Variants in SLC26A7 observed in about 807,000 individuals in gnomAD.
SLC26A7 encodes solute carrier family 26 member 7.
SLC26A7 carries 59 observed loss-of-function variants against 82.5 expected under a neutral mutation model. That is an observed-to-expected ratio of 0.72 (90% CI 0.58 to 0.89). The LOEUF (loss-of-function observed/expected upper bound fraction) is 0.89. Ranked by LOEUF, SLC26A7 falls within the 40% of genes least tolerant of loss-of-function variation. The pLI is 0.00. For synonymous variants in SLC26A7, 271 were observed against 274.3 expected (o/e 0.99, Z 0.12); for missense variants, 820 against 793.0 (o/e 1.03, Z -0.41).
chr8:91,291,535 C>T (rs1811868384), intron 3 of SLC26A7, among the ~76,000 whole-genome samples: 1 of 152,150 alleles, frequency 6.6e-6, no homozygotes, highest in Admixed American at 6.5e-5. Context: ...AAAACATTTT[C>T]TCTGTTAAAC....
intron 15 of SLC26A7, among the ~76,000 whole-genome samples, chr8:91,372,382 G>A (rs1563705964): frequency 6.6e-6 from 1 of 151,834 alleles, no homozygotes; most frequent in East Asian, 1.9e-4. Flanking sequence ...TATTTAAGTC[G>A]TTAATCCATC....
chr8:91,317,474 C>T lies in SLC26A7; in HGVS notation c.478-742C>T, dbSNP rs544865527. Among the ~76,000 whole-genome samples the T allele has an allele frequency of 3.3e-5, 5 of 152,240 alleles. No individual in the cohort carries two copies. The South Asian group carries it at 1.0e-3, about 32-fold the overall frequency. ...CTTAATAATTATGCCTAGTGTTCCA[C>T]TATTGGAATGCTAAGCTTGTGGGAA... On this transcript the variant is annotated intron_variant, in intron 4 of 18. Transcript: ENST00000276609.
At chr8:91,253,942 A>G (rs1398452155) in intron 2 of SLC26A7, among the ~76,000 whole-genome samples, 3 of 152,124 alleles carry the variant, frequency 2.0e-5, no homozygotes, top group Admixed American at 1.3e-4. Context: ...ATCACTCTAG[A>G]GAGGAAACTG....
chr8:91,248,826 CAG>C (rs1388209324), upstream of SLC26A7, among the ~76,000 whole-genome samples: 2 of 152,116 alleles, frequency 1.3e-5, no homozygotes, highest in Admixed American at 1.3e-4. Context: ...GTTTCAGAGA[CAG>C]GGAAGATCTC....
At chr8:91,389,521 T>C (rs1456797899) in intron 16 of SLC26A7, 83 bp downstream of exon 16, 2 of 958,268 alleles carry the variant, frequency 2.1e-6, no homozygotes, top group East Asian at 4.8e-5. Flanking sequence ...TCCATAGTCT[T>C]GAGCCTGCTT....
chr8:91,362,256 C>A, intron 11 of SLC26A7, 97 bp from the exon 12 acceptor site: 2 of 777,724 alleles, frequency 2.6e-6, no homozygotes, highest in Non-Finnish European at 4.0e-6. Context: ...GATTTGGTCA[C>A]AAGAGTGTTA....
At chr8:91,265,337 A>G (rs563771608) in intron 2 of SLC26A7, among the ~76,000 whole-genome samples, 29 of 152,158 alleles carry the variant, frequency 1.9e-4, no homozygotes, top group Admixed American at 3.3e-4. Context: ...GGATAGTGCT[A>G]CAATAAACAT....
At chr8:91,317,019 A>G (rs1481665343) in intron 4 of SLC26A7, among the ~76,000 whole-genome samples, 3 of 148,716 alleles carry the variant, frequency 2.0e-5, no homozygotes, top group East Asian at 3.9e-4. Context: ...AAAAAAAAAA[A>G]AAGCCAGGCA....
chr8:91,267,600 G>A (rs1811149756), intron 2 of SLC26A7, among the ~76,000 whole-genome samples: 1 of 151,634 alleles, frequency 6.6e-6, no homozygotes, highest in African/African-American at 2.4e-5. Context: ...GGTATCAATT[G>A]TAATATCTCC....
At chr8:91,252,246 C>G (rs945231803) in intron 2 of SLC26A7, among the ~76,000 whole-genome samples, 2 of 151,950 alleles carry the variant, frequency 1.3e-5, no homozygotes, top group Non-Finnish European at 2.9e-5. Flanking sequence ...GTTTATGTTT[C>G]AATCTAGTAG....
intron 16 of SLC26A7, among the ~76,000 whole-genome samples, chr8:91,390,695 TCTTTCCTCAC>T (rs1814940952): frequency 1.3e-5 from 2 of 152,070 alleles, no homozygotes; most frequent in Non-Finnish European, 2.9e-5. Context: ...TTTCTAGAGT[TCTTTCCTCAC>T]CATTGATCTC....
At chr8:91,337,552 A>G (rs887272162) in intron 6 of SLC26A7, among the ~76,000 whole-genome samples, 1 of 152,174 alleles carries the variant, frequency 6.6e-6, no homozygotes, top group African/African-American at 2.4e-5. Flanking sequence ...TATGTCAGTA[A>G]CAGAAGGATA....
chr8:91,354,255 A>G (rs912537685), intron 11 of SLC26A7, among the ~76,000 whole-genome samples: 1 of 152,132 alleles, frequency 6.6e-6, no homozygotes, highest in Non-Finnish European at 1.5e-5. Flanking sequence ...CATATTGGAA[A>G]GGGTAGAGAA....
At chr8:91,221,951 A>G (rs576264202) in intron 2 of SLC26A7, among the ~76,000 whole-genome samples, 1 of 152,270 alleles carries the variant, frequency 6.6e-6, no homozygotes, top group East Asian at 1.9e-4. Context: ...AAATCTATAA[A>G]TTACTTTGGG....
At chr8:91,337,441 G>A (rs1660265999) in intron 6 of SLC26A7, among the ~76,000 whole-genome samples, 1 of 152,018 alleles carries the variant, frequency 6.6e-6, no homozygotes, top group South Asian at 2.1e-4. Context: ...AATGAAAATC[G>A]ATGGAAAACA....
intron 4 of SLC26A7, among the ~76,000 whole-genome samples, chr8:91,300,686 C>A (rs1812143102): frequency 6.6e-6 from 1 of 152,162 alleles, no homozygotes; most frequent in African/African-American, 2.4e-5. Flanking sequence ...CGTGAGCCAC[C>A]GCGCCCGGCC....
At chr8:91,227,839 G>T (rs149688806) in intron 2 of SLC26A7, among the ~76,000 whole-genome samples, 40 of 151,974 alleles carry the variant, frequency 2.6e-4, no homozygotes, top group Admixed American at 2.6e-3. Context: ...TGAAACTCTC[G>T]TTGGTATTTC....
At chr8:91,346,660 T>G (rs1480155979) in intron 9 of SLC26A7, among the ~76,000 whole-genome samples, 1 of 152,198 alleles carries the variant, frequency 6.6e-6, no homozygotes, top group Non-Finnish European at 1.5e-5. Context: ...AAGTTATCTT[T>G]ACAAAATGCA....
At chr8:91,239,410 A>ATATG (rs1381979436) in intron 2 of SLC26A7, among the ~76,000 whole-genome samples, 2 of 101,390 alleles carry the variant, frequency 2.0e-5, no homozygotes, top group Middle Eastern at 5.6e-3. Flanking sequence ...ATATATATAT[A>ATATG]TGTATATGTA....
Sources: allele counts gnomAD v4.1 joint callset (sites outside exome capture counted in the v4.1 genomes callset), GRCh38; gene constraint gnomAD v4.1.1; transcripts MANE v1.5; gene names NCBI Gene and HGNC (gene_info 2026-07-23, HGNC 2026-07-21).